RAP1GAP2: variants seen among roughly 807,000 people sequenced by gnomAD.
RAP1GAP2 encodes the protein rap1 GTPase-activating protein 2.
Under a neutral mutation model 95.0 loss-of-function variants are expected in RAP1GAP2, and 27 were observed. The observed-to-expected ratio is 0.28, with a 90% confidence interval of 0.21 to 0.39. The LOEUF is 0.39. RAP1GAP2 is among the 10% of genes least tolerant of loss of function. The pLI is 1.00. For missense variants in RAP1GAP2, 771 were observed against 970.0 expected, an observed-to-expected ratio of 0.79 and a Z score of 2.72; for synonymous variants, 373 against 380.9, an observed-to-expected ratio of 0.98 and a Z score of 0.24.
intron 2 of RAP1GAP2, among the ~76,000 whole-genome samples, chr17:2,862,451 G>T (rs1301642214): frequency 6.6e-6 from 1 of 152,146 alleles, no homozygotes; most frequent in Non-Finnish European, 1.5e-5. Flanking sequence ...AAGCACTTCT[G>T]TTCAGACGGG....
chr17:3,009,530 C>A (rs1288456838), intron 17 of RAP1GAP2, among the ~76,000 whole-genome samples: 1 of 152,224 alleles, frequency 6.6e-6, no homozygotes, highest in East Asian at 1.9e-4. Flanking sequence ...TCCGACACCA[C>A]CTCCCACTTC....
At position 2,758,667 on chromosome 17, in the gene RAP1GAP2, C is replaced by T. The variant is rs149136203; in HGVS notation, c.50+2900C>T. Among the ~76,000 whole-genome samples the T allele has an allele frequency of 2.2e-3, 330 of 152,196 alleles. 1 individual carries two copies. Among genetic ancestry groups the T allele is most frequent in the Non-Finnish European group, 2.8e-3 (193 of 68,008 alleles). On this transcript the variant is annotated intron_variant, in intron 1 of 25. Transcript: ENST00000637138. ...TGGCCAGCCATGCTCCAGCTGTGGC[C>T]CCTGGATCTAGGACTTCCCACTGAG...
At chr17:3,013,001 C>T (rs2046614567) in intron 17 of RAP1GAP2, among the ~76,000 whole-genome samples, 1 of 152,216 alleles carries the variant, frequency 6.6e-6, no homozygotes, top group Non-Finnish European at 1.5e-5. Context: ...CTCCACTGAC[C>T]TCATCGCACA....
chr17:3,016,128 C>T (rs1019436156), intron 17 of RAP1GAP2, among the ~76,000 whole-genome samples: 1 of 152,212 alleles, frequency 6.6e-6, no homozygotes, highest in Non-Finnish European at 1.5e-5. Flanking sequence ...TTCCCCTCTG[C>T]CCTCCCTGGC....
chr17:2,953,283 T>G (rs1243013290), intron 3 of RAP1GAP2, among the ~76,000 whole-genome samples: 4 of 151,820 alleles, frequency 2.6e-5, no homozygotes, highest in Non-Finnish European at 5.9e-5. Context: ...ACTGCAGCCT[T>G]GAACTCCTGG....
chr17:2,761,613 G>A lies in RAP1GAP2; in HGVS notation c.50+5846G>A, dbSNP rs558326253. ...AGGGGGGTGCCATTCTCATCATATC[G>A]TCAAGGGTATATACAGTTGTCCCTT... On this transcript the variant is annotated intron_variant, in intron 1 of 25. Coordinates refer to the RAP1GAP2 transcript ENST00000637138. Among the ~76,000 whole-genome samples the A allele has an allele frequency of 4.6e-5, 7 of 152,218 alleles. No individual in the cohort carries two copies. In the South Asian group the frequency reaches 1.0e-3, roughly 23 times the overall value.
intron 3 of RAP1GAP2, among the ~76,000 whole-genome samples, chr17:2,941,737 C>T (rs189540485): frequency 1.1e-3 from 161 of 147,476 alleles, no homozygotes; most frequent in East Asian, 0.01. Context: ...GGTGTGATCT[C>T]GGCTCACCGC....
At chr17:2,966,833 C>T (rs888150069) in intron 8 of RAP1GAP2, among the ~76,000 whole-genome samples, 5 of 152,050 alleles carry the variant, frequency 3.3e-5, no homozygotes, top group South Asian at 2.1e-4. Flanking sequence ...AAAATCAGAC[C>T]GAGACTGGGT....
chr17:2,953,576 A>G lies in RAP1GAP2; in HGVS notation c.166-4183A>G, dbSNP rs146768255. On this transcript the variant is annotated intron_variant, in intron 3 of 24. Coordinates refer to ENST00000254695, the MANE Select transcript of RAP1GAP2 (RefSeq NM_015085.5). ...AAAGTGTACAATTTGGCCGGGTACG[A>G]TGGCTCACGCTTGTCATCCCAGCAC... Among the ~76,000 whole-genome samples the G allele has an allele frequency of 1.4e-4, 21 of 152,160 alleles. No homozygotes were observed. In the East Asian group the frequency reaches 3.9e-3, roughly 28 times the overall value.
intron 2 of RAP1GAP2, among the ~76,000 whole-genome samples, chr17:2,839,624 C>G (rs1398404514): frequency 1.3e-5 from 2 of 152,162 alleles, no homozygotes; most frequent in East Asian, 1.9e-4. Context: ...GCTCCTTAGA[C>G]TCCTCTTGGC....
chr17:2,872,178 C>T (rs919623846), intron 2 of RAP1GAP2, among the ~76,000 whole-genome samples: 1 of 135,682 alleles, frequency 7.4e-6, no homozygotes, highest in African/African-American at 2.8e-5. Context: ...TGCACCATTG[C>T]ACTCCAGCTT....
chr17:2,958,066 G>A (rs2044186415), intron 4 of RAP1GAP2, among the ~76,000 whole-genome samples: 1 of 152,118 alleles, frequency 6.6e-6, no homozygotes, highest in Non-Finnish European at 1.5e-5. Flanking sequence ...CTGTGGATGT[G>A]GAGGAGGGTT....
Position 2,889,886 on chromosome 17 carries a change from TA to T in RAP1GAP2, c.81-15397del, listed in dbSNP as rs1471628957. Among the ~76,000 whole-genome samples, 394 of 59,256 alleles carry T rather than the reference TA, an allele frequency of 6.6e-3. 2 individuals carry two copies. The highest frequency in any genetic ancestry group is 0.026 in the African/African-American group (367 of 14,284). 38.9% of individuals were successfully genotyped at this position (59,256 alleles called of 152,430 possible). On this transcript the variant is annotated intron_variant, in intron 2 of 24. Transcript: ENST00000254695. ...GTGTATATATATATATATATATATATATATTTTTTTTTTTTTTTGTAGAGAT... is the reference window on the plus strand; with the variant it reads ...GTGTATATATATATATATATATATATTATTTTTTTTTTTTTTTGTAGAGAT...
At chr17:2,777,177 G>A (rs1002627210) in exon 1 of RAP1GAP2, 4 of 152,320 alleles carry the variant, frequency 2.6e-5, no homozygotes, top group African/African-American at 9.6e-5. Flanking sequence ...CCGCGGGCGG[G>A]GCGCTGCACA....
At chr17:3,011,831 C>G (rs990813092) in intron 17 of RAP1GAP2, among the ~76,000 whole-genome samples, 2 of 152,026 alleles carry the variant, frequency 1.3e-5, no homozygotes, top group African/African-American at 4.8e-5. Flanking sequence ...TCAGGCTGAT[C>G]TTGAACTCCT....
chr17:2,925,739 G>A (rs1006454068), intron 3 of RAP1GAP2, among the ~76,000 whole-genome samples: 4 of 152,292 alleles, frequency 2.6e-5, no homozygotes, highest in Admixed American at 1.3e-4. Flanking sequence ...ACACCAGCAT[G>A]GAAAAGCAGA....
At chr17:2,853,453 GC>G (rs2071971197) in intron 2 of RAP1GAP2, among the ~76,000 whole-genome samples, 1 of 151,788 alleles carries the variant, frequency 6.6e-6, no homozygotes, top group South Asian at 2.1e-4. Flanking sequence ...AGCCGCCTCT[GC>G]CTGGGGAGGG....
chr17:3,006,488 C>T (rs1253827961), intron 16 of RAP1GAP2, among the ~76,000 whole-genome samples: 1 of 144,030 alleles, frequency 6.9e-6, no homozygotes, highest in Admixed American at 7.1e-5. Flanking sequence ...GGCTGGAGTG[C>T]AGTGGCCCGA....
chr17:2,756,781 C>T (rs928447454), intron 1 of RAP1GAP2, among the ~76,000 whole-genome samples: 1 of 152,114 alleles, frequency 6.6e-6, no homozygotes, highest in African/African-American at 2.4e-5. Context: ...AGGATTCAGG[C>T]ACACACTGAG....
Sources: allele counts gnomAD v4.1 joint callset (sites outside exome capture counted in the v4.1 genomes callset), GRCh38; gene constraint gnomAD v4.1.1; transcripts MANE v1.5; gene names NCBI Gene and HGNC (gene_info 2026-07-23, HGNC 2026-07-21).